PTPRR: variants seen among roughly 807,000 people sequenced by gnomAD.
PTPRR encodes receptor-type tyrosine-protein phosphatase R.
A neutral mutation model predicts 77.2 loss-of-function variants in PTPRR; 38 were observed. That is an observed-to-expected ratio of 0.49 (90% CI 0.38 to 0.65). The LOEUF (loss-of-function observed/expected upper bound fraction) is 0.65. Ranked by LOEUF, PTPRR falls within the 30% of genes least tolerant of loss-of-function variation. The pLI, the probability that PTPRR is intolerant of heterozygous loss-of-function variation, is 0.00. For synonymous variants in PTPRR, 299 were observed against 283.1 expected, an observed-to-expected ratio of 1.06 and a Z score of -0.57; for missense variants, 744 against 799.2, an observed-to-expected ratio of 0.93 and a Z score of 0.83.
At chr12:70,820,027 A>C (rs933473557) in intron 2 of PTPRR, among the ~76,000 whole-genome samples, 1 of 152,264 alleles carries the variant, frequency 6.6e-6, no homozygotes, top group African/African-American at 2.4e-5. Context: ...TTTGGGATAA[A>C]GAATATTAGA....
At chr12:70,771,656 G>A (rs1253897030) in intron 2 of PTPRR, among the ~76,000 whole-genome samples, 2 of 152,136 alleles carry the variant, frequency 1.3e-5, no homozygotes, top group East Asian at 1.9e-4. Context: ...ATTGAAATGT[G>A]CCTTGAATAA....
chr12:70,664,695 G>T (rs935629288), intron 10 of PTPRR: 1 of 152,110 alleles, frequency 6.6e-6, no homozygotes, highest in Non-Finnish European at 1.5e-5. Context: ...GCTTGCCGGG[G>T]GCCCTCTTGA....
chr12:70,642,153 C>T (rs1024144378), intron 13 of PTPRR, among the ~76,000 whole-genome samples: 5 of 151,868 alleles, frequency 3.3e-5, no homozygotes, highest in African/African-American at 1.2e-4. Context: ...GTGGTGAGGT[C>T]CCCCAGTGCC....
At chr12:70,894,416 T>C (rs1487492768) in intron 1 of PTPRR, among the ~76,000 whole-genome samples, 1 of 151,652 alleles carries the variant, frequency 6.6e-6, no homozygotes, top group Non-Finnish European at 1.5e-5. Flanking sequence ...CAGAATCACC[T>C]CTACATCAGT....
chr12:70,687,580 C>T (rs1203308901), intron 8 of PTPRR, among the ~76,000 whole-genome samples: 1 of 152,122 alleles, frequency 6.6e-6, no homozygotes, highest in East Asian at 1.9e-4. Context: ...CCTTAGGTGG[C>T]ATCCAAGAAT....
intron 2 of PTPRR, among the ~76,000 whole-genome samples, chr12:70,845,037 T>C (rs951689933): frequency 7.2e-5 from 11 of 152,042 alleles, no homozygotes; most frequent in Non-Finnish European, 7.4e-5. Flanking sequence ...TCAAACAAAG[T>C]TTCCAAAAGG....
intron 2 of PTPRR, among the ~76,000 whole-genome samples, chr12:70,803,097 T>C (rs2137022173): frequency 1.3e-5 from 2 of 152,340 alleles, no homozygotes; most frequent in South Asian, 4.1e-4. Flanking sequence ...TTACCATATC[T>C]TAGAAAAATA....
chr12:70,743,500 G>A (rs1592724509), intron 6 of PTPRR, among the ~76,000 whole-genome samples: 1 of 152,298 alleles, frequency 6.6e-6, no homozygotes, highest in Admixed American at 6.5e-5. Flanking sequence ...TATGCTGAGG[G>A]AACAGCATTA....
intron 13 of PTPRR, among the ~76,000 whole-genome samples, chr12:70,644,522 C>T: frequency 6.6e-6 from 1 of 152,142 alleles, no homozygotes; most frequent in Non-Finnish European, 1.5e-5. Context: ...CTGCAGTGCT[C>T]AGTTTTTTCA....
intron 1 of PTPRR, among the ~76,000 whole-genome samples, chr12:70,902,766 C>T (rs1423525942): frequency 1.3e-5 from 2 of 151,578 alleles, no homozygotes; most frequent in African/African-American, 4.8e-5. Context: ...GGATAAAAGT[C>T]TAACAAATAG....
At chr12:70,780,244 C>T (rs886602517) in intron 2 of PTPRR, among the ~76,000 whole-genome samples, 7 of 152,152 alleles carry the variant, frequency 4.6e-5, no homozygotes, top group Non-Finnish European at 1.0e-4. Flanking sequence ...CCTGCCTTGG[C>T]CTCCCAAAGC....
intron 1 of PTPRR, among the ~76,000 whole-genome samples, chr12:70,905,976 A>T (rs1414239177): frequency 6.6e-6 from 1 of 152,036 alleles, no homozygotes; most frequent in Non-Finnish European, 1.5e-5. Context: ...GAATTTATGC[A>T]TGAGAAATGA....
At chr12:70,829,821 T>C (rs1351744461) in intron 2 of PTPRR, among the ~76,000 whole-genome samples, 1 of 152,136 alleles carries the variant, frequency 6.6e-6, no homozygotes, top group East Asian at 1.9e-4. Context: ...AGTAAGGACT[T>C]TCTATGAGGT....
intron 4 of PTPRR, among the ~76,000 whole-genome samples, chr12:70,755,430 C>CA (rs1266724709): frequency 6.6e-6 from 1 of 152,038 alleles, no homozygotes; most frequent in East Asian, 1.9e-4. Flanking sequence ...ATAAATCAGA[C>CA]AAAAAATTTA....
At chr12:70,899,188 T>C (rs571538884) in intron 1 of PTPRR, among the ~76,000 whole-genome samples, 124 of 150,610 alleles carry the variant, frequency 8.2e-4, no homozygotes, top group African/African-American at 2.9e-3. Context: ...TCCCAGAAAA[T>C]AGAAGGGGGA....
intron 6 of PTPRR, among the ~76,000 whole-genome samples, chr12:70,733,059 G>A (rs1290837055): frequency 6.6e-6 from 1 of 152,080 alleles, no homozygotes; most frequent in Non-Finnish European, 1.5e-5. Flanking sequence ...AGTAAGGCAG[G>A]TGGGATGGGG....
chr12:70,642,310 C>G (rs780763220), intron 13 of PTPRR, among the ~76,000 whole-genome samples: 1 of 152,144 alleles, frequency 6.6e-6, no homozygotes, highest in Non-Finnish European at 1.5e-5. Flanking sequence ...AAACTAAATG[C>G]AAGGCTTTCT....
At chr12:70,768,226 G>A (rs1890876650) in intron 2 of PTPRR, among the ~76,000 whole-genome samples, 1 of 152,102 alleles carries the variant, frequency 6.6e-6, no homozygotes, top group Non-Finnish European at 1.5e-5. Flanking sequence ...GAATCCAGGA[G>A]CTGGTTTTTT....
chr12:70,844,512 G>A (rs193117409), intron 2 of PTPRR, among the ~76,000 whole-genome samples: 158 of 152,206 alleles, frequency 1.0e-3, no homozygotes, highest in African/African-American at 3.7e-3. Context: ...ATCTAGTAAT[G>A]TTGAACTCAT....
Sources: allele counts gnomAD v4.1 joint callset (sites outside exome capture counted in the v4.1 genomes callset), GRCh38; gene constraint gnomAD v4.1.1; transcripts MANE v1.5; gene names NCBI Gene and HGNC (gene_info 2026-07-23, HGNC 2026-07-21).